Variants in SYCE1 observed in about 807,000 individuals in gnomAD.
SYCE1 encodes synaptonemal complex central element protein 1.
Under a neutral mutation model 55.1 loss-of-function variants are expected in SYCE1, and 37 were observed. The ratio of observed to expected loss-of-function variants is 0.67; its 90% confidence interval spans 0.52 to 0.88. The LOEUF is 0.88. Ranked by LOEUF, SYCE1 falls within the 40% of genes least tolerant of loss-of-function variation. SYCE1 has a pLI of 0.00. For synonymous variants in SYCE1, 163 were observed against 159.4 expected (o/e 1.02, Z -0.17); for missense variants, 399 against 416.4 (o/e 0.96, Z 0.36).
rs754024246 is a variant in SYCE1 at position 133,558,866 on chromosome 10, G to A, written c.271+11C>T. 1.1e-4 allele frequency: 179 copies of A among 1,613,226 alleles called. 1 individual carries two copies. The Admixed American group carries it at 2.5e-3, about 23-fold the overall frequency. On this transcript the variant is annotated intron_variant, in intron 4 of 12. Coordinates refer to ENST00000343131, the MANE Select transcript of SYCE1 (RefSeq NM_001143764.3). ...CTGTGGGGACCTCTGGGTGACCCCC[G>A]GCTCTCTTACGCGAGTCCAGTTCCT...
chr10:133,564,789 T>C (rs922532128), intron 1 of SYCE1, among the ~76,000 whole-genome samples: 6 of 152,290 alleles, frequency 3.9e-5, no homozygotes, highest in Admixed American at 2.6e-4. Context: ...TCTGTAAGTT[T>C]GAAAATCCTC....
chr10:133,554,477 T>A, downstream of SYCE1: 2 of 763,590 alleles, frequency 2.6e-6, no homozygotes, highest in Non-Finnish European at 4.6e-6. Context: ...TACATCCTAG[T>A]TGATTGACTC....
At chr10:133,561,124 C>G (rs1024093192) in intron 1 of SYCE1, 3 of 152,164 alleles carry the variant, frequency 2.0e-5, no homozygotes, top group Non-Finnish European at 4.4e-5. Flanking sequence ...CTCTGACCAC[C>G]CTGCCACCCT....
chr10:133,554,654 A>T, downstream of SYCE1: 1 of 730,258 alleles, frequency 1.4e-6, no homozygotes, highest in Admixed American at 1.8e-5. Context: ...TTTTTTTTTA[A>T]TTTCAGGGAG....
At chr10:133,565,696 G>T (rs1851917122), upstream of SYCE1, 5 of 647,870 alleles carry the variant, frequency 7.7e-6, no homozygotes, top group South Asian at 6.6e-5. Flanking sequence ...GCACTAGTGC[G>T]CATGCGTAAA....
At chr10:133,564,195 C>G (rs1851875467) in intron 1 of SYCE1, among the ~76,000 whole-genome samples, 1 of 152,010 alleles carries the variant, frequency 6.6e-6, no homozygotes, top group South Asian at 2.1e-4. Context: ...GATTAGTGCC[C>G]TTATAAGACC....
rs564012561 is a variant in SYCE1, at chr10:133,555,064, G to A, written c.984C>T (p.Leu328=). The A allele has an allele frequency of 3.7e-5, 57 of 1,551,530 alleles. 1 individual carries two copies. Among genetic ancestry groups the A allele is most frequent in the Middle Eastern group, 3.4e-4 (2 of 5,886 alleles). ...GGTGGAGTGTGTCCTCCTGGCCTATGAGGACATCAGGCCCTGCTTGGTGTG... is the reference window on the plus strand; with the variant it reads ...GGTGGAGTGTGTCCTCCTGGCCTATAAGGACATCAGGCCCTGCTTGGTGTG... ...GAAHQAGPDV[L]IGQEDTLHPD... is the part of the protein sequence containing the mutation. Residue 328 remains leucine, a synonymous_variant, in exon 13 of 13, where the codon CTC becomes CTT. Transcript: ENST00000343131.
chr10:133,560,910 C>T (rs1421766855), intron 1 of SYCE1: 1 of 152,094 alleles, frequency 6.6e-6, no homozygotes, highest in Non-Finnish European at 1.5e-5. Context: ...ATCTGATTGC[C>T]TCCTTTGGAA....
At position 133,555,183 on chromosome 10, in the gene SYCE1, T is replaced by G; in HGVS notation, c.919-54A>C. On this transcript the variant is annotated intron_variant, in intron 12 of 12. Transcript: ENST00000343131. ...ATTTACACCCATCCCCATGGCCACA[T>G]GGTCCCCTCCTGCCCCATCACCACC... 6 of 1,531,750 alleles carry G rather than the reference T, an allele frequency of 3.9e-6. No individual in the cohort carries two copies. The South Asian group carries it at 6.2e-5, about 16-fold the overall frequency. 94.9% of individuals were successfully genotyped at this position (1,531,750 alleles called of 1,614,324 possible). A position where few individuals can be genotyped will look rare whatever the true frequency, so the allele number is the denominator to read the frequency against.
chr10:133,556,813 G>T lies in SYCE1; in HGVS notation c.474C>A (p.Phe158Leu). The T allele has an allele frequency of 6.3e-7, 1 of 1,585,442 alleles. No homozygotes were observed. Among genetic ancestry groups the T allele is most frequent in the East Asian group, 2.3e-5 (1 of 42,916 alleles). ...CCATCAGATCTTCCAGCTGTTCCTC[G>T]AATGCCAACCTGGGAACCAACCACA... ...KNKQRQLRLA[F>L]EEQLEDLMGQ... Residue 158 changes from phenylalanine to leucine, a missense_variant, in exon 8 of 13, where the codon TTC (phenylalanine) becomes TTA (leucine). Physicochemically the swap from Phe to Leu is conservative, Grantham distance 22. Coordinates refer to ENST00000343131, the MANE Select transcript of SYCE1 (RefSeq NM_001143764.3).
chr10:133,557,485 A>G, intron 6 of SYCE1: 1 of 489,964 alleles, frequency 2.0e-6, no homozygotes, highest in East Asian at 3.7e-5. Context: ...GGAGAAATGG[A>G]TGGACAAATC....
Position 133,557,059 on chromosome 10 carries a change from A to T in SYCE1, c.464+8T>A, listed in dbSNP as rs2133617165. The T allele has an allele frequency of 6.2e-7, 1 of 1,613,804 alleles. No individual in the cohort carries two copies. The highest frequency in any genetic ancestry group is 8.5e-7 in the Non-Finnish European group (1 of 1,179,716). ...TCCAAACCCCCTGCCTCAGATGCTA[A>T]GGTTTACCTCAGCTGTCTCTGTTTG... On this transcript the variant is annotated splice_region_variant and intron_variant, in intron 7 of 12. Coordinates refer to ENST00000343131, the MANE Select transcript of SYCE1 (RefSeq NM_001143764.3).
chr10:133,558,062 G>A (rs8181309), intron 5 of SYCE1, 105 bp downstream of exon 5: 168,271 of 1,543,342 alleles, frequency 0.11, 10,537 homozygotes, highest in East Asian at 0.27. Flanking sequence ...CCACAGGAGA[G>A]AGGCAAGCTG....
intron 1 of SYCE1, among the ~76,000 whole-genome samples, chr10:133,562,417 C>T (rs1420621918): frequency 6.6e-6 from 1 of 150,794 alleles, no homozygotes; most frequent in African/African-American, 2.4e-5. Flanking sequence ...ATGCTATTTT[C>T]TTCATATAGT....
At chr10:133,565,404 C>G (rs1029713324) in intron 1 of SYCE1, 53 bp downstream of exon 1, 5 of 1,457,856 alleles carry the variant, frequency 3.4e-6, no homozygotes, top group Non-Finnish European at 4.6e-6. Flanking sequence ...CAACCCTGCC[C>G]CGCCTCGGCG....
chr10:133,560,753 AAAAT>A (rs1299122410), intron 1 of SYCE1: 1 of 152,210 alleles, frequency 6.6e-6, no homozygotes, highest in Non-Finnish European at 1.5e-5. Flanking sequence ...TTGTGAAAGG[AAAAT>A]AAATCTTTTT....
intron 8 of SYCE1, chr10:133,556,408 C>G: frequency 1.9e-6 from 1 of 523,818 alleles, no homozygotes; most frequent in Non-Finnish European, 3.4e-6. Context: ...TCACTGAGCC[C>G]TTCCTTCCTG....
At position 133,557,169 on chromosome 10, in the gene SYCE1, A is replaced by G; in HGVS notation, c.375-13T>C. 1 of 1,612,474 alleles carries G rather than the reference A, an allele frequency of 6.2e-7. No individual in the cohort carries two copies. The highest frequency in any genetic ancestry group is 8.5e-7 in the Non-Finnish European group (1 of 1,178,870). On this transcript the variant is annotated splice_polypyrimidine_tract_variant and intron_variant, in intron 6 of 12. Coordinates refer to ENST00000343131, the MANE Select transcript of SYCE1 (RefSeq NM_001143764.3). ...CATGGTGTGCTTCCTGGGAGAGGCG[A>G]GGCAGCCCTCAGCCATGTTCTCTTA...
At chr10:133,559,633 A>G in intron 2 of SYCE1, 1 of 471,208 alleles carries the variant, frequency 2.1e-6, no homozygotes, top group Non-Finnish European at 3.9e-6. Flanking sequence ...TGCTCCTGAG[A>G]TATGGGAAGG....
Sources: gnomAD v4.1 joint callset for allele counts (sites outside exome capture counted in the v4.1 genomes callset) on GRCh38, gnomAD v4.1.1 for gene constraint, MANE v1.5 for transcripts, NCBI Gene and HGNC (gene_info 2026-07-23, HGNC 2026-07-21) for gene names.